CELF4: variants seen among roughly 807,000 people sequenced by gnomAD.
CELF4 encodes CUG-BP- and ETR-3-like factor 4.
In CELF4, 18 loss-of-function variants were observed where a neutral mutation model predicts 59.9. That is an observed-to-expected ratio of 0.30 (90% CI 0.21 to 0.45). The LOEUF (loss-of-function observed/expected upper bound fraction) is 0.45. Among genes scored for constraint, CELF4 ranks in the 20% least tolerant of loss-of-function variants. The probability of loss-of-function intolerance (pLI) is 1.00; values close to 1 mark genes in which losing one functional copy is unlikely to be tolerated. For synonymous variants in CELF4, 261 were observed against 267.1 expected (o/e 0.98, Z 0.22); for missense variants, 456 against 689.0 (o/e 0.66, Z 3.79).
chr18:37,449,324 C>T (rs1053811402), intron 2 of CELF4, among the ~76,000 whole-genome samples: 8 of 152,018 alleles, frequency 5.3e-5, no homozygotes, highest in East Asian at 1.9e-4. Context: ...ACTGGGACAG[C>T]GGGATCATGG....
intron 3 of CELF4, among the ~76,000 whole-genome samples, chr18:37,317,398 C>G (rs1233454700): frequency 6.6e-6 from 1 of 152,188 alleles, no homozygotes; most frequent in African/African-American, 2.4e-5. Flanking sequence ...ATCTCAAAAA[C>G]AAAACAAAAC....
chr18:37,404,116 C>T (rs1232438227), intron 2 of CELF4, among the ~76,000 whole-genome samples: 2 of 152,246 alleles, frequency 1.3e-5, no homozygotes. Context: ...ACAGTTACTC[C>T]TCAAACAGCC....
chr18:37,520,934 C>T (rs1281363690), intron 1 of CELF4, among the ~76,000 whole-genome samples: 1 of 152,128 alleles, frequency 6.6e-6, no homozygotes, highest in Non-Finnish European at 1.5e-5. Flanking sequence ...CTGCAATCAT[C>T]AGGAAAGCCC....
chr18:37,532,331 G>C (rs1278434907), intron 1 of CELF4, among the ~76,000 whole-genome samples: 1 of 152,170 alleles, frequency 6.6e-6, no homozygotes, highest in East Asian at 1.9e-4. Flanking sequence ...GGGAAATACG[G>C]CTTTGTACTT....
chr18:37,540,632 G>C (rs896435676), intron 1 of CELF4, among the ~76,000 whole-genome samples: 1 of 152,178 alleles, frequency 6.6e-6, no homozygotes, highest in Non-Finnish European at 1.5e-5. Context: ...CATCACCACT[G>C]TGAATCTGGC....
At chr18:37,508,974 C>T (rs75206340) in intron 1 of CELF4, among the ~76,000 whole-genome samples, 2,065 of 152,250 alleles carry the variant, frequency 0.014, 51 homozygotes, top group African/African-American at 0.046. Flanking sequence ...CCTCCTGGGA[C>T]GTCTGCATAC....
chr18:37,441,714 C>T (rs1569569423), intron 2 of CELF4, among the ~76,000 whole-genome samples: 2 of 152,072 alleles, frequency 1.3e-5, no homozygotes, highest in African/African-American at 4.8e-5. Context: ...GACACCTATC[C>T]ACCCAGGGTT....
At chr18:37,410,078 G>GGCT (rs1173157521) in intron 2 of CELF4, among the ~76,000 whole-genome samples, 1 of 152,140 alleles carries the variant, frequency 6.6e-6, no homozygotes, top group East Asian at 1.9e-4. Context: ...TGGACTGAGC[G>GGCT]GCTGCCACTC....
chr18:37,418,690 C>T (rs2099548728), intron 2 of CELF4, among the ~76,000 whole-genome samples: 1 of 152,202 alleles, frequency 6.6e-6, no homozygotes, highest in African/African-American at 2.4e-5. Context: ...CTGCCTGTCT[C>T]GTAGAATTGC....
intron 2 of CELF4, among the ~76,000 whole-genome samples, chr18:37,432,914 T>C (rs1202321007): frequency 6.6e-6 from 1 of 152,220 alleles, no homozygotes; most frequent in Non-Finnish European, 1.5e-5. Context: ...GCTCTTTTGA[T>C]TTGCTCCTGG....
intron 2 of CELF4, among the ~76,000 whole-genome samples, chr18:37,324,707 G>A (rs1323106074): frequency 1.3e-5 from 2 of 152,140 alleles, no homozygotes; most frequent in African/African-American, 4.8e-5. Context: ...GCAAGTGGAG[G>A]TGGTGCTTAA....
chr18:37,434,238 A>C (rs979239875), intron 2 of CELF4, among the ~76,000 whole-genome samples: 6 of 152,218 alleles, frequency 3.9e-5, no homozygotes, highest in Admixed American at 2.0e-4. Flanking sequence ...TTAGCTGCCC[A>C]ATGAGGAGTA....
chr18:37,522,976 G>T (rs2099959318), intron 1 of CELF4, among the ~76,000 whole-genome samples: 1 of 152,182 alleles, frequency 6.6e-6, no homozygotes, highest in Admixed American at 6.5e-5. Context: ...GAGCCACGGG[G>T]CCATATTCTT....
chr18:37,521,297 C>T (rs1235456266), intron 1 of CELF4, among the ~76,000 whole-genome samples: 2 of 152,122 alleles, frequency 1.3e-5, no homozygotes, highest in Admixed American at 6.5e-5. Flanking sequence ...CAAATTAGCA[C>T]GTATGGAGAA....
chr18:37,504,453 CAAAAA>C (rs765700471), intron 1 of CELF4, among the ~76,000 whole-genome samples: 3 of 71,180 alleles, frequency 4.2e-5, no homozygotes, highest in Non-Finnish European at 3.1e-5. Flanking sequence ...GACTCCATCT[CAAAAA>C]AAAAAAAAAA....
intron 1 of CELF4, among the ~76,000 whole-genome samples, chr18:37,531,313 G>A (rs529391441): frequency 3.9e-5 from 6 of 152,098 alleles, no homozygotes; most frequent in Non-Finnish European, 7.4e-5. Flanking sequence ...GCCCCCCAAG[G>A]TCCCTTGAGG....
At chr18:37,397,879 GC>G (rs1238577156) in intron 2 of CELF4, among the ~76,000 whole-genome samples, 3 of 152,194 alleles carry the variant, frequency 2.0e-5, no homozygotes, top group African/African-American at 7.2e-5. Context: ...GGTGGAGTGG[GC>G]GGGGGCAAGG....
At chr18:37,457,474 T>C (rs1036639492) in intron 2 of CELF4, among the ~76,000 whole-genome samples, 2 of 152,090 alleles carry the variant, frequency 1.3e-5, no homozygotes, top group Non-Finnish European at 1.5e-5. Flanking sequence ...AAAGGAGTCT[T>C]CCACCAACCC....
At chr18:37,257,085 GA>G (rs937181659) in intron 11 of CELF4, among the ~76,000 whole-genome samples, 7 of 151,058 alleles carry the variant, frequency 4.6e-5, no homozygotes, top group Non-Finnish European at 3.0e-5. Flanking sequence ...TAATTAGAGA[GA>G]AAAAAAAACT....
Sources: gnomAD v4.1 joint callset for allele counts (sites outside exome capture counted in the v4.1 genomes callset) on GRCh38, gnomAD v4.1.1 for gene constraint, MANE v1.5 for transcripts, NCBI Gene and HGNC (gene_info 2026-07-23, HGNC 2026-07-21) for gene names.